The following CCDC50 variants were observed in gnomAD, a reference collection of about 807,000 sequenced individuals.
CCDC50 encodes coiled-coil domain-containing protein 50.
CCDC50 carries 54 observed loss-of-function variants against 70.2 expected under a neutral mutation model. The observed-to-expected ratio is 0.77, with a 90% CI of 0.62 to 0.96. The LOEUF (loss-of-function observed/expected upper bound fraction) is 0.96. Ranked by LOEUF, CCDC50 falls within the 50% of genes least tolerant of loss-of-function variation. The pLI, the probability that CCDC50 is intolerant of heterozygous loss-of-function variation, is 0.00. For missense variants in CCDC50, 558 were observed against 578.7 expected, an observed-to-expected ratio of 0.96 and a Z score of 0.37; for synonymous variants, 216 against 198.8, an observed-to-expected ratio of 1.09 and a Z score of -0.73.
chr3:191,363,810 T>C (rs924895424), intron 4 of CCDC50, among the ~76,000 whole-genome samples: 1 of 152,242 alleles, frequency 6.6e-6, no homozygotes, highest in Non-Finnish European at 1.5e-5. Flanking sequence ...TTTCAACTCA[T>C]GCCTCAGATG....
chr3:191,369,287 CT>C (rs543127399), intron 4 of CCDC50, among the ~76,000 whole-genome samples: 90 of 148,530 alleles, frequency 6.1e-4, no homozygotes, highest in Non-Finnish European at 1.1e-3. Context: ...ATTGTAGTTA[CT>C]TTTTTTTTTG....
At position 191,329,510 on chromosome 3, in the gene CCDC50, G is replaced by C; in HGVS notation, c.-165G>C. Reference sequence around the variant, plus strand: ...TCGGGGACCGTCTCCCGCTGCTTTGGTCACCAGCCCCTGCCCGCCCGACCC... The same window carrying C: ...TCGGGGACCGTCTCCCGCTGCTTTGCTCACCAGCCCCTGCCCGCCCGACCC... On this transcript the variant is annotated 5_prime_UTR_variant, in exon 1 of 12. Transcript: ENST00000392455. The C allele has an allele frequency of 1.7e-6, 1 of 599,226 alleles. No homozygotes were observed. The highest frequency in any genetic ancestry group is 2.7e-6 in the Non-Finnish European group (1 of 365,614). The allele number at this position is 599,226 out of a possible 1,614,324, so 37.1% of individuals were successfully genotyped here.
chr3:191,343,847 T>G (rs1560156880), intron 1 of CCDC50, among the ~76,000 whole-genome samples: 2 of 152,340 alleles, frequency 1.3e-5, no homozygotes, highest in Non-Finnish European at 2.9e-5. Flanking sequence ...AGAATTGAAC[T>G]CCTCTAACTA....
At position 191,369,911 on chromosome 3, in the gene CCDC50, C is replaced by A; in HGVS notation, c.331-8C>A. 2 of 1,594,898 alleles carry A rather than the reference C, an allele frequency of 1.3e-6. No homozygotes were observed. Among genetic ancestry groups the A allele is most frequent in the South Asian group, 1.1e-5 (1 of 90,636 alleles). On this transcript the variant is annotated splice_region_variant and splice_polypyrimidine_tract_variant and intron_variant, in intron 4 of 11. Coordinates refer to ENST00000392455, the MANE Select transcript of CCDC50 (RefSeq NM_178335.3). ...ATGTGTATTTCCATTCTCCTCTTGT[C>A]TTTGCAGGACATAGCTCGCCTTTTG...
Position 191,375,140 on chromosome 3 carries a change from C to T in CCDC50, c.527C>T (p.Thr176Ile). The T allele has an allele frequency of 6.2e-7, 1 of 1,613,718 alleles. No homozygotes were observed. The highest frequency in any genetic ancestry group is 1.3e-5 in the African/African-American group (1 of 74,996). ...TGTAGACTCCAAAGAGATGGAAAGA[C>T]TGTGAAGCACAAGAAAGAGAAACCA... ...RPCRLQRDGK[T>I]VKHKKEKPEH... Residue 176 changes from threonine to isoleucine, a missense_variant, in exon 6 of 12, where the codon ACT becomes ATT. Transcript: ENST00000392455.
intron 1 of CCDC50, among the ~76,000 whole-genome samples, chr3:191,341,219 G>GA (rs754356055): frequency 5.3e-5 from 8 of 152,262 alleles, no homozygotes; most frequent in Non-Finnish European, 8.8e-5. Context: ...ATACCTAATA[G>GA]AAAATAACTA....
intron 9 of CCDC50, among the ~76,000 whole-genome samples, chr3:191,382,419 A>G (rs528060165): frequency 1.3e-5 from 2 of 152,278 alleles, no homozygotes; most frequent in South Asian, 4.1e-4. Flanking sequence ...GTTAATAATC[A>G]GTGGCCAAGC....
intron 5 of CCDC50, among the ~76,000 whole-genome samples, chr3:191,372,788 A>G (rs1186255291): frequency 6.6e-6 from 1 of 152,098 alleles, no homozygotes; most frequent in Non-Finnish European, 1.5e-5. Context: ...TATTGAAGTC[A>G]TATTAGTGAT....
chr3:191,386,216 A>ATT (rs76983981), intron 10 of CCDC50, among the ~76,000 whole-genome samples: 7,006 of 124,328 alleles, frequency 0.056, 1,333 homozygotes, highest in East Asian at 0.12. Context: ...TAGTATGGGC[A>ATT]TTTTTTTTTT....
In CCDC50 at chr3:191,394,154, A is replaced by C. The variant is rs565564264; in HGVS notation, c.*2394A>C. 2.0e-5 allele frequency: 3 copies of C among 152,318 alleles called. No individual in the cohort carries two copies. Among genetic ancestry groups the C allele is most frequent in the Non-Finnish European group, 4.4e-5 (3 of 68,012 alleles). 9.4% of individuals were successfully genotyped at this position (152,318 alleles called of 1,614,324 possible). ...AGTAAGCTATCACCTTGTGATAGCTAATTCAACATCTTTATTGAAAATTTG... is the reference window on the plus strand; with the variant it reads ...AGTAAGCTATCACCTTGTGATAGCTCATTCAACATCTTTATTGAAAATTTG... On this transcript the variant is annotated 3_prime_UTR_variant, in exon 12 of 12. Transcript: ENST00000392455.
chr3:191,356,002 A>G (rs1712267317), intron 1 of CCDC50, among the ~76,000 whole-genome samples: 1 of 152,216 alleles, frequency 6.6e-6, no homozygotes. Flanking sequence ...ATTCTGTTTC[A>G]GTTAAGTGTC....
intron 5 of CCDC50, among the ~76,000 whole-genome samples, chr3:191,373,687 ATTC>A (rs148721894): frequency 0.051 from 7,754 of 152,186 alleles, 298 homozygotes; most frequent in Admixed American, 0.099. Flanking sequence ...TCACCGGGTA[ATTC>A]TTCTGTTTTG....
rs141083830 is a variant in CCDC50, at chr3:191,360,542, T to C, written c.240-527T>C. ...TGATTTTGTGTATGATTCTTAATTATTACAATGAGTGAAGGAAAAGAAGAA... is the reference window on the plus strand; with the variant it reads ...TGATTTTGTGTATGATTCTTAATTACTACAATGAGTGAAGGAAAAGAAGAA... On this transcript the variant is annotated intron_variant, in intron 3 of 11. Coordinates refer to ENST00000392455, the MANE Select transcript of CCDC50 (RefSeq NM_178335.3). Among the ~76,000 whole-genome samples, 872 of 152,360 alleles carry C rather than the reference T, an allele frequency of 5.7e-3. 5 individuals carry two copies. The highest frequency in any genetic ancestry group is 7.9e-3 in the Non-Finnish European group (535 of 68,034).
intron 1 of CCDC50, among the ~76,000 whole-genome samples, chr3:191,335,328 T>TA (rs936072447): frequency 1.3e-5 from 2 of 152,302 alleles, no homozygotes; most frequent in Non-Finnish European, 2.9e-5. Flanking sequence ...GTTTCAGAGG[T>TA]AGCCACTGGA....
intron 5 of CCDC50, among the ~76,000 whole-genome samples, chr3:191,372,068 C>G (rs1377030243): frequency 6.6e-6 from 1 of 152,166 alleles, no homozygotes; most frequent in Non-Finnish European, 1.5e-5. Flanking sequence ...AAGCCTTATA[C>G]TGACTTGAAT....
At chr3:191,379,302 T>C (rs544867557) in intron 6 of CCDC50, among the ~76,000 whole-genome samples, 1 of 152,242 alleles carries the variant, frequency 6.6e-6, no homozygotes, top group South Asian at 2.1e-4. Flanking sequence ...ATAGCCCTGA[T>C]TGACAACCCC....
intron 4 of CCDC50, 49 bp downstream of exon 4, chr3:191,361,208 G>A: frequency 7.2e-7 from 1 of 1,381,636 alleles, no homozygotes; most frequent in Non-Finnish European, 1.0e-6. Context: ...GGGGTGCTCA[G>A]CTTTAGAGCA....
chr3:191,380,384 T>G, intron 7 of CCDC50, 110 bp downstream of exon 7: 1 of 779,296 alleles, frequency 1.3e-6, no homozygotes, highest in East Asian at 2.7e-5. Context: ...AGAAACCTTT[T>G]TTTATGAGTG....
chr3:191,393,850 G>T lies in CCDC50; in HGVS notation c.*2090G>T, dbSNP rs1013627875. On this transcript the variant is annotated 3_prime_UTR_variant, in exon 12 of 12. Coordinates refer to ENST00000392455, the MANE Select transcript of CCDC50 (RefSeq NM_178335.3). Reference sequence around the variant, plus strand: ...GTGATTTCGCTTCGTGTCCTTCAAAGTTTTTTTATTGTAATTTTAAAGGAA... The same window carrying T: ...GTGATTTCGCTTCGTGTCCTTCAAATTTTTTTTATTGTAATTTTAAAGGAA... The T allele has an allele frequency of 4.6e-5, 7 of 151,758 alleles. No individual in the cohort carries two copies. The highest frequency in any genetic ancestry group is 8.8e-5 in the Non-Finnish European group (6 of 67,920). 9.4% of individuals were successfully genotyped at this position (151,758 alleles called of 1,614,324 possible). A position where few individuals can be genotyped will look rare whatever the true frequency, so the allele number is the denominator to read the frequency against.
Sources: gnomAD v4.1 joint callset for allele counts (sites outside exome capture counted in the v4.1 genomes callset) on GRCh38, gnomAD v4.1.1 for gene constraint, MANE v1.5 for transcripts, NCBI Gene and HGNC (gene_info 2026-07-23, HGNC 2026-07-21) for gene names.